TMEM132B: variants seen among roughly 807,000 people sequenced by gnomAD.
TMEM132B encodes transmembrane protein 132B.
Under a neutral mutation model 90.8 loss-of-function variants are expected in TMEM132B, and 18 were observed. The observed-to-expected ratio is 0.20, with a 90% CI of 0.14 to 0.29. TMEM132B has a LOEUF of 0.29. TMEM132B is among the 10% of genes least tolerant of loss of function. TMEM132B has a pLI of 1.00. For synonymous variants in TMEM132B, 504 were observed against 523.3 expected (o/e 0.96, Z 0.50); for missense variants, 1,096 against 1,326.8 (o/e 0.83, Z 2.70).
rs576511856 is a variant in TMEM132B at position 125,412,569 on chromosome 12, C to T, written c.960-2962C>T. ...TGACCTTCAGCCGGTCGTGCGCTAT[C>T]GGGTGGGAGGGTCTGATTTGTTCAT... On this transcript the variant is annotated intron_variant, in intron 2 of 8. Coordinates refer to ENST00000682704, the MANE Select transcript of TMEM132B (RefSeq NM_001366854.1). Among the ~76,000 whole-genome samples the T allele has an allele frequency of 1.6e-4, 25 of 152,264 alleles. No homozygotes were observed. The South Asian group carries it at 3.3e-3, about 20-fold the overall frequency.
At chr12:125,451,671 G>A (rs1033994283) in intron 3 of TMEM132B, among the ~76,000 whole-genome samples, 13 of 149,806 alleles carry the variant, frequency 8.7e-5, no homozygotes, top group East Asian at 3.9e-4. Context: ...CAGTTACCTC[G>A]TCTCCTCATG....
intron 1 of TMEM132B, among the ~76,000 whole-genome samples, chr12:125,333,799 T>A (rs1876869101): frequency 6.6e-6 from 1 of 152,182 alleles, no homozygotes; most frequent in Non-Finnish European, 1.5e-5. Context: ...TTTTAGAAAA[T>A]CACTGAGTAG....
intron 4 of TMEM132B, among the ~76,000 whole-genome samples, chr12:125,554,021 G>A (rs1290258231): frequency 6.6e-6 from 1 of 152,112 alleles, no homozygotes; most frequent in Admixed American, 6.5e-5. Flanking sequence ...GATTATAAAT[G>A]TACAGGGAAA....
chr12:125,510,478 T>A (rs1385114077), intron 3 of TMEM132B, among the ~76,000 whole-genome samples: 1 of 152,146 alleles, frequency 6.6e-6, no homozygotes, highest in Non-Finnish European at 1.5e-5. Flanking sequence ...TTGGAGTATT[T>A]ACAAGGGAAA....
intron 5 of TMEM132B, among the ~76,000 whole-genome samples, chr12:125,610,766 T>C (rs1288164813): frequency 6.6e-6 from 1 of 152,112 alleles, no homozygotes; most frequent in Non-Finnish European, 1.5e-5. Flanking sequence ...TATATGAAGC[T>C]ATATATAGTT....
intron 2 of TMEM132B, among the ~76,000 whole-genome samples, chr12:125,405,907 A>C (rs189724133): frequency 5.9e-5 from 9 of 152,318 alleles, no homozygotes; most frequent in Admixed American, 5.9e-4. Context: ...TAGGATGCAC[A>C]TGGCTGCTGG....
At chr12:125,629,098 G>T (rs541137896) in intron 5 of TMEM132B, among the ~76,000 whole-genome samples, 1 of 151,970 alleles carries the variant, frequency 6.6e-6, no homozygotes, top group African/African-American at 2.4e-5. Flanking sequence ...CTCCAGTTTT[G>T]CTTTCTTTGC....
At chr12:125,598,561 C>T (rs1280158833) in intron 5 of TMEM132B, among the ~76,000 whole-genome samples, 1 of 152,124 alleles carries the variant, frequency 6.6e-6, no homozygotes, top group Non-Finnish European at 1.5e-5. Flanking sequence ...AAGAGTTAAT[C>T]AAAGATGGGA....
chr12:125,265,103 T>G (rs557931904), intron 1 of TMEM132B, among the ~76,000 whole-genome samples: 160 of 152,338 alleles, frequency 1.1e-3, no homozygotes, highest in African/African-American at 3.5e-3. Context: ...GATAAGCATT[T>G]GTGTATGTAA....
At chr12:125,309,345 C>A (rs1876069470) in intron 1 of TMEM132B, among the ~76,000 whole-genome samples, 1 of 152,158 alleles carries the variant, frequency 6.6e-6, no homozygotes, top group African/African-American at 2.4e-5. Flanking sequence ...AAGATTAGAT[C>A]TTTGCAGCTT....
intron 5 of TMEM132B, among the ~76,000 whole-genome samples, chr12:125,614,407 C>T (rs1885937333): frequency 6.6e-6 from 1 of 152,092 alleles, no homozygotes; most frequent in South Asian, 2.1e-4. Flanking sequence ...AGGATTATGG[C>T]CTCCAGCTCC....
rs527329083 is a variant in TMEM132B at position 125,228,382 on chromosome 12, A to G, written c.67+41516A>G. 5.9e-5 allele frequency among the ~76,000 whole-genome samples: 9 copies of G among 152,284 alleles called. No individual in the cohort carries two copies. In the East Asian group the frequency reaches 1.5e-3, roughly 26 times the overall value. On this transcript the variant is annotated intron_variant, in intron 1 of 8. Coordinates refer to ENST00000682704, the MANE Select transcript of TMEM132B (RefSeq NM_001366854.1). ...GGATTTGGCCCTGGGCTCTTGATTA[A>G]TGGAGAGTTGTGGAGGTCAGCACCT... is the stretch of plus-strand genomic sequence containing the variant.
chr12:125,438,161 C>T (rs566623735), intron 3 of TMEM132B, among the ~76,000 whole-genome samples: 9 of 152,210 alleles, frequency 5.9e-5, no homozygotes, highest in African/African-American at 2.2e-4. Flanking sequence ...TGAGACTTTC[C>T]AAGAATTAAA....
At chr12:125,207,550 G>A (rs954606813) in intron 1 of TMEM132B, among the ~76,000 whole-genome samples, 1 of 152,192 alleles carries the variant, frequency 6.6e-6, no homozygotes, top group Non-Finnish European at 1.5e-5. Flanking sequence ...CACTGTGTCT[G>A]AGGAACTGGG....
intron 1 of TMEM132B, among the ~76,000 whole-genome samples, chr12:125,199,460 T>TG (rs1333094055): frequency 6.6e-6 from 1 of 152,118 alleles, no homozygotes; most frequent in Admixed American, 6.6e-5. Flanking sequence ...TTGTAGGTTC[T>TG]GGGGGGCTGT....
At chr12:125,553,383 G>A (rs1884286455) in intron 4 of TMEM132B, among the ~76,000 whole-genome samples, 1 of 152,234 alleles carries the variant, frequency 6.6e-6, no homozygotes, top group Non-Finnish European at 1.5e-5. Flanking sequence ...GAAGGCTGAT[G>A]TGAAGCAACC....
chr12:125,197,879 C>A (rs1872960320), intron 1 of TMEM132B, among the ~76,000 whole-genome samples: 1 of 152,144 alleles, frequency 6.6e-6, no homozygotes, highest in Non-Finnish European at 1.5e-5. Context: ...CTTAGTAATG[C>A]TTTTGAATGA....
intron 1 of TMEM132B, among the ~76,000 whole-genome samples, chr12:125,205,488 T>C (rs1477525589): frequency 6.6e-6 from 1 of 152,194 alleles, no homozygotes; most frequent in Non-Finnish European, 1.5e-5. Context: ...GTGAATCCTT[T>C]CAGTGAGGGT....
At chr12:125,198,372 A>C (rs1268667231) in intron 1 of TMEM132B, among the ~76,000 whole-genome samples, 1 of 152,154 alleles carries the variant, frequency 6.6e-6, no homozygotes, top group Non-Finnish European at 1.5e-5. Context: ...TCTGTCTGCC[A>C]CTTGGTCTCT....
Sources: gnomAD v4.1 joint callset for allele counts (sites outside exome capture counted in the v4.1 genomes callset) on GRCh38, gnomAD v4.1.1 for gene constraint, MANE v1.5 for transcripts, NCBI Gene and HGNC (gene_info 2026-07-23, HGNC 2026-07-21) for gene names.